Variants in LRGUK observed in about 807,000 individuals in gnomAD.
LRGUK encodes the protein leucine rich repeats and guanylate kinase domain containing, also known as leucine-rich repeat and guanylate kinase domain-containing protein.
LRGUK carries 65 observed loss-of-function variants against 76.0 expected under a neutral mutation model. The ratio of observed to expected loss-of-function variants is 0.85; its 90% confidence interval spans 0.70 to 1.05. The LOEUF (loss-of-function observed/expected upper bound fraction) is 1.05. LRGUK is among the 50% of genes least tolerant of loss of function. The pLI is 0.00. For missense variants in LRGUK, 758 were observed against 732.8 expected (o/e 1.03, Z -0.40); for synonymous variants, 268 against 265.6 (o/e 1.01, Z -0.09).
At chr7:134,220,601 G>C (rs556161626) in intron 15 of LRGUK, among the ~76,000 whole-genome samples, 3 of 146,372 alleles carry the variant, frequency 2.0e-5, no homozygotes, top group African/African-American at 7.6e-5. Flanking sequence ...TTCTTTTGTC[G>C]TTGTTGTTTT....
At chr7:134,188,686 A>G (rs1800075730) in intron 11 of LRGUK, among the ~76,000 whole-genome samples, 1 of 152,126 alleles carries the variant, frequency 6.6e-6, no homozygotes, top group South Asian at 2.1e-4. Flanking sequence ...TATTCAGACC[A>G]ATTTCATTTA....
chr7:134,261,052 G>A (rs1185058193), intron 19 of LRGUK, among the ~76,000 whole-genome samples: 1 of 152,196 alleles, frequency 6.6e-6, no homozygotes, highest in East Asian at 1.9e-4. Context: ...TTTGGTTGCA[G>A]TAGATATTTG....
chr7:134,157,522 A>C (rs907475096), intron 5 of LRGUK, among the ~76,000 whole-genome samples: 1 of 152,158 alleles, frequency 6.6e-6, no homozygotes, highest in Non-Finnish European at 1.5e-5. Flanking sequence ...CAGCACACTC[A>C]AAAGCTATGC....
chr7:134,191,119 G>C (rs1800225475), intron 11 of LRGUK, among the ~76,000 whole-genome samples: 1 of 152,180 alleles, frequency 6.6e-6, no homozygotes, highest in Non-Finnish European at 1.5e-5. Flanking sequence ...TGGTGGAGGG[G>C]ATGGGCCCTG....
At chr7:134,221,083 A>G (rs1801582141) in intron 15 of LRGUK, among the ~76,000 whole-genome samples, 1 of 152,178 alleles carries the variant, frequency 6.6e-6, no homozygotes, top group African/African-American at 2.4e-5. Flanking sequence ...TATGTTATAT[A>G]TTAGTATTTT....
At position 134,132,208 on chromosome 7, in the gene LRGUK, G is replaced by A. The variant is rs576567008; in HGVS notation, c.297+4544G>A. Reference sequence around the variant, plus strand: ...TAAAAGAATTTTTAAAAAATTAGCCGACCAGCCATAGTGGTATGCACCTGT... The same window carrying A: ...TAAAAGAATTTTTAAAAAATTAGCCAACCAGCCATAGTGGTATGCACCTGT... On this transcript the variant is annotated intron_variant, in intron 1 of 15. Coordinates refer to ENST00000645682, the Ensembl canonical transcript of LRGUK. Among the ~76,000 whole-genome samples the A allele has an allele frequency of 3.3e-5, 5 of 152,058 alleles. No individual in the cohort carries two copies. In the South Asian group the frequency reaches 6.2e-4, roughly 19 times the overall value.
intron 15 of LRGUK, among the ~76,000 whole-genome samples, chr7:134,208,271 C>T (rs141057412): frequency 6.4e-4 from 97 of 152,232 alleles, no homozygotes; most frequent in African/African-American, 2.3e-3. Context: ...AGAGGGCTGC[C>T]GTTAAATAAG....
Position 134,209,827 on chromosome 7 carries a change from TC to T in LRGUK, c.2970del (p.Ser991AlafsTer21). 2 of 398,762 alleles carry T rather than the reference TC, an allele frequency of 5.0e-6. No homozygotes were observed. Among genetic ancestry groups the T allele is most frequent in the Non-Finnish European group, 4.4e-6 (1 of 226,316 alleles). The allele number at this position is 398,762 out of a possible 1,614,324, so 24.7% of individuals were successfully genotyped here. On this transcript the variant is annotated frameshift_variant, in exon 16 of 16. Coordinates refer to ENST00000645682, the Ensembl canonical transcript of LRGUK. LOFTEE classifies it low-confidence loss of function (END_TRUNC). ...GTGAGGTGAAACTCCCTCTTATCAGTCCCCCCAGCCAGGAGCAAGCAGAACC... is the reference window on the plus strand; with the variant it reads ...GTGAGGTGAAACTCCCTCTTATCAGTCCCCCAGCCAGGAGCAAGCAGAACC...
At chr7:134,247,762 C>T (rs1424754758) in intron 17 of LRGUK, 118 bp downstream of exon 17, 3 of 673,588 alleles carry the variant, frequency 4.5e-6, no homozygotes, top group African/African-American at 1.9e-5. Context: ...CCCAGTGTTT[C>T]AGCAGTAAAA....
chr7:134,247,742 C>T, intron 17 of LRGUK, 98 bp downstream of exon 17: 1 of 814,232 alleles, frequency 1.2e-6, no homozygotes, highest in Non-Finnish European at 2.0e-6. Context: ...GACCTCTGTC[C>T]TAAAATGGAC....
At position 134,199,194 on chromosome 7, in the gene LRGUK, T is replaced by C. The variant is rs1398802019; in HGVS notation, c.1546-26T>C. The stretch of plus-strand genomic sequence containing the variant: ...TTCTAAATCATGTATCTGTTTCCAA[T>C]TTATTATCTTCCTTTTAATGCACAG... On this transcript the variant is annotated intron_variant, in intron 13 of 15. Coordinates refer to ENST00000645682, the Ensembl canonical transcript of LRGUK. 3 of 1,596,242 alleles carry C rather than the reference T, an allele frequency of 1.9e-6. No homozygotes were observed. The South Asian group carries it at 3.3e-5, about 18-fold the overall frequency.
intron 15 of LRGUK, among the ~76,000 whole-genome samples, chr7:134,206,399 C>A (rs889209415): frequency 3.3e-5 from 5 of 152,012 alleles, no homozygotes; most frequent in Non-Finnish European, 7.4e-5. Context: ...CCTGTAATCC[C>A]GGCTACTCGG....
intron 4 of LRGUK, among the ~76,000 whole-genome samples, chr7:134,143,912 TGTCATGCCACTG>T (rs1563141170): frequency 6.6e-6 from 1 of 152,162 alleles, no homozygotes; most frequent in Non-Finnish European, 1.5e-5. Context: ...TTCCTGATGA[TGTCATGCCACTG>T]GTCCATCGGT....
Position 134,139,519 on chromosome 7 carries a change from T to C in LRGUK, c.487+2T>C, listed in dbSNP as rs1319725674. The C allele has an allele frequency of 1.3e-6, 2 of 1,577,712 alleles. No homozygotes were observed. Among genetic ancestry groups the C allele is most frequent in the Admixed American group, 3.4e-5 (2 of 59,522 alleles). Reference sequence around the variant, plus strand: ...ATCTTTCAGCGAATAAAATTGAAGGTATGTAATTGTCATTCTAGATTGATC... The same window carrying C: ...ATCTTTCAGCGAATAAAATTGAAGGCATGTAATTGTCATTCTAGATTGATC... On this transcript the variant is annotated splice_donor_variant, in intron 3 of 15. Transcript: ENST00000645682. LOFTEE classifies it high-confidence loss of function.
chr7:134,170,613 A>C (rs1585484130), intron 7 of LRGUK, among the ~76,000 whole-genome samples: 1 of 152,162 alleles, frequency 6.6e-6, no homozygotes, highest in Non-Finnish European at 1.5e-5. Flanking sequence ...TGATCATTAC[A>C]CATTGTATGC....
At chr7:134,173,092 C>A (rs1650074640) in intron 7 of LRGUK, among the ~76,000 whole-genome samples, 1 of 150,980 alleles carries the variant, frequency 6.6e-6, no homozygotes, top group Admixed American at 6.8e-5. Context: ...CTGAATAATA[C>A]AATAGAAAAC....
intron 1 of LRGUK, among the ~76,000 whole-genome samples, chr7:134,136,256 C>G (rs1797535032): frequency 6.6e-6 from 1 of 152,154 alleles, no homozygotes; most frequent in Non-Finnish European, 1.5e-5. Context: ...AAGGGCTTGT[C>G]AGGGTGCCCT....
the LRGUK span, among the ~76,000 whole-genome samples, chr7:134,271,601 A>G: frequency 1.3e-5 from 2 of 151,996 alleles, no homozygotes; most frequent in African/African-American, 4.8e-5. Flanking sequence ...ATCAAATTCT[A>G]CAAATGCCTC....
At chr7:134,229,375 A>ATCTATCT (rs1554474439) in intron 16 of LRGUK, among the ~76,000 whole-genome samples, 26 of 147,556 alleles carry the variant, frequency 1.8e-4, no homozygotes, top group African/African-American at 4.0e-4. Context: ...AAAAAAAAAA[A>ATCTATCT]ATCTATCTAT....
Sources: allele counts gnomAD v4.1 joint callset (sites outside exome capture counted in the v4.1 genomes callset), GRCh38; gene constraint gnomAD v4.1.1; transcripts MANE v1.5; gene names NCBI Gene and HGNC (gene_info 2026-07-23, HGNC 2026-07-21).